The following PTPRD variants were observed in gnomAD, a reference collection of about 807,000 sequenced individuals.
PTPRD encodes the protein receptor-type tyrosine-protein phosphatase delta.
PTPRD carries 34 observed loss-of-function variants against 214.5 expected under a neutral mutation model. That is an observed-to-expected ratio of 0.16 (90% confidence interval 0.12 to 0.21). The LOEUF is 0.21. PTPRD is among the 10% of genes least tolerant of loss of function. The pLI, the probability that PTPRD is intolerant of heterozygous loss-of-function variation, is 1.00. For missense variants in PTPRD, 2,545 were observed against 2,398.7 expected (o/e 1.06, Z -1.27); for synonymous variants, 1,128 against 845.7 (o/e 1.33, Z -5.79).
intron 4 of PTPRD, among the ~76,000 whole-genome samples, chr9:9,975,863 C>A (rs1293444757): frequency 1.3e-5 from 2 of 152,080 alleles, no homozygotes; most frequent in Non-Finnish European, 2.9e-5. Flanking sequence ...GATAAATGAC[C>A]AAATCCGTAA....
intron 10 of PTPRD, among the ~76,000 whole-genome samples, chr9:9,116,001 T>C (rs550398751): frequency 6.6e-6 from 1 of 152,180 alleles, no homozygotes; most frequent in South Asian, 2.1e-4. Context: ...TTGTCACTTA[T>C]AAGTGAGCTA....
intron 4 of PTPRD, among the ~76,000 whole-genome samples, chr9:9,992,895 C>A (rs1165825394): frequency 2.0e-5 from 3 of 152,040 alleles, no homozygotes; most frequent in African/African-American, 7.2e-5. Context: ...CACATGTATA[C>A]ATATGTTACA....
At chr9:9,154,434 C>T (rs991549066) in intron 10 of PTPRD, among the ~76,000 whole-genome samples, 12 of 152,148 alleles carry the variant, frequency 7.9e-5, no homozygotes, top group African/African-American at 2.7e-4. Flanking sequence ...AGAGGGCTGT[C>T]TTCTCTCTGT....
intron 9 of PTPRD, among the ~76,000 whole-genome samples, chr9:9,284,484 A>T (rs1307487762): frequency 6.6e-6 from 1 of 151,636 alleles, no homozygotes; most frequent in Admixed American, 6.6e-5. Flanking sequence ...AAACAATATT[A>T]ACTACTGAAA....
At position 8,339,021 on chromosome 9, in the gene PTPRD, T is replaced by G. The variant is rs1386978634; in HGVS notation, c.5280A>C (p.Ala1760=). Residue 1760 remains alanine (A), a synonymous_variant, in exon 43 of 46, where the codon GCA becomes GCC. Coordinates refer to ENST00000381196, the MANE Select transcript of PTPRD (RefSeq NM_002839.4). ...AGTACTGGTATCTTGCAGACCGTTC[T>G]GCTGGCCAGTATTGGTGACATTTCT... ...GREKCHQYWP[A]ERSARYQYFV... 9.9e-6 allele frequency: 16 copies of G among 1,612,178 alleles called. No individual in the cohort carries two copies. The highest frequency in any genetic ancestry group is 1.3e-5 in the Non-Finnish European group (15 of 1,178,704).
chr9:9,550,978 T>C (rs912056906), intron 8 of PTPRD, among the ~76,000 whole-genome samples: 6 of 151,980 alleles, frequency 3.9e-5, no homozygotes, highest in African/African-American at 1.2e-4. Context: ...GTATCACTCA[T>C]GAATTGCTAG....
intron 12 of PTPRD, among the ~76,000 whole-genome samples, chr9:8,696,774 C>T (rs1449321157): frequency 1.3e-5 from 2 of 152,094 alleles, no homozygotes; most frequent in Non-Finnish European, 2.9e-5. Flanking sequence ...TTACTTCATT[C>T]CAAGTTAAAT....
intron 9 of PTPRD, among the ~76,000 whole-genome samples, chr9:9,252,526 A>G (rs1336213997): frequency 6.6e-6 from 1 of 152,020 alleles, no homozygotes; most frequent in Admixed American, 6.6e-5. Flanking sequence ...CTCAGATCCC[A>G]GGCTGGACCT....
At chr9:9,476,623 T>G (rs1381488003) in intron 8 of PTPRD, among the ~76,000 whole-genome samples, 2 of 152,240 alleles carry the variant, frequency 1.3e-5, no homozygotes, top group Non-Finnish European at 2.9e-5. Flanking sequence ...CTTATGTTTA[T>G]AAATGTTGAA....
At chr9:9,907,649 C>A (rs2077984671) in intron 5 of PTPRD, among the ~76,000 whole-genome samples, 2 of 151,910 alleles carry the variant, frequency 1.3e-5, no homozygotes, top group African/African-American at 2.4e-5. Flanking sequence ...GGGATTAGGG[C>A]TTCAACATAT....
chr9:9,920,763 A>G (rs746842083), intron 5 of PTPRD, among the ~76,000 whole-genome samples: 2 of 152,162 alleles, frequency 1.3e-5, no homozygotes, highest in East Asian at 1.9e-4. Flanking sequence ...TTAACATATC[A>G]GAATTCTGAT....
intron 14 of PTPRD, among the ~76,000 whole-genome samples, chr9:8,584,831 G>A (rs1402012617): frequency 2.6e-5 from 4 of 152,208 alleles, no homozygotes; most frequent in Non-Finnish European, 1.5e-5. Flanking sequence ...GAGGCCCCAG[G>A]AAACTTACAA....
At chr9:9,670,249 A>G (rs2096801193) in intron 7 of PTPRD, among the ~76,000 whole-genome samples, 1 of 152,100 alleles carries the variant, frequency 6.6e-6, no homozygotes. Context: ...CCCCACCCAA[A>G]TCTCATCTTT....
intron 9 of PTPRD, among the ~76,000 whole-genome samples, chr9:9,367,914 G>C (rs893405802): frequency 6.6e-6 from 1 of 151,704 alleles, no homozygotes. Context: ...CTGTCATAAG[G>C]GAGAGCTACT....
chr9:9,907,211 A>G lies in PTPRD; in HGVS notation c.-368+31296T>C, dbSNP rs527286724. Among the ~76,000 whole-genome samples, 5 of 151,922 alleles carry G rather than the reference A, an allele frequency of 3.3e-5. No homozygotes were observed. The East Asian group carries it at 9.7e-4, about 29-fold the overall frequency. ...ACACAGTCTAATTAGGTCATGTGCA[A>G]TTGTCATATACATGATGATTATCAG... On this transcript the variant is annotated intron_variant, in intron 5 of 45. Coordinates refer to ENST00000381196, the MANE Select transcript of PTPRD (RefSeq NM_002839.4).
chr9:10,533,637 T>A (rs1431503854), intron 2 of PTPRD, among the ~76,000 whole-genome samples: 4 of 151,988 alleles, frequency 2.6e-5, no homozygotes, highest in Admixed American at 2.0e-4. Context: ...TAATGAATAG[T>A]CCCATGTATA....
chr9:10,110,652 C>G (rs886456951), intron 3 of PTPRD, among the ~76,000 whole-genome samples: 4 of 152,172 alleles, frequency 2.6e-5, no homozygotes, highest in Non-Finnish European at 5.9e-5. Context: ...CAGTTAAAGG[C>G]TATATCTTGC....
intron 11 of PTPRD, among the ~76,000 whole-genome samples, chr9:8,875,340 G>T (rs1473301816): frequency 6.6e-6 from 1 of 151,456 alleles, no homozygotes; most frequent in Admixed American, 6.6e-5. Context: ...CTGGGCAACA[G>T]AATGAGACTG....
At chr9:8,744,076 C>T (rs184351339) in intron 11 of PTPRD, among the ~76,000 whole-genome samples, 2 of 151,974 alleles carry the variant, frequency 1.3e-5, no homozygotes, top group Non-Finnish European at 2.9e-5. Context: ...CAGAGAAATG[C>T]AAATCAAAAC....
Sources: gnomAD v4.1 joint callset for allele counts (sites outside exome capture counted in the v4.1 genomes callset) on GRCh38, gnomAD v4.1.1 for gene constraint, MANE v1.5 for transcripts, NCBI Gene and HGNC (gene_info 2026-07-23, HGNC 2026-07-21) for gene names.